TRIM44: variants seen among roughly 807,000 people sequenced by gnomAD.
TRIM44 encodes tripartite motif-containing protein 44.
Under a neutral mutation model 37.4 loss-of-function variants are expected in TRIM44, and 13 were observed. The ratio of observed to expected loss-of-function variants is 0.35; its 90% CI spans 0.23 to 0.55. The LOEUF is 0.55. Ranked by LOEUF, TRIM44 falls within the 20% of genes least tolerant of loss-of-function variation. The pLI, the probability that TRIM44 is intolerant of heterozygous loss-of-function variation, is 0.89. For synonymous variants in TRIM44, 175 were observed against 157.2 expected (o/e 1.11, Z -0.85); for missense variants, 426 against 437.2 (o/e 0.97, Z 0.23).
chr11:35,756,954 G>A (rs1185338324), intron 4 of TRIM44, among the ~76,000 whole-genome samples: 2 of 152,304 alleles, frequency 1.3e-5, no homozygotes, highest in African/African-American at 4.8e-5. Flanking sequence ...CAGGGATATT[G>A]GTCTGAAATT....
chr11:35,808,742 T>TAAAC lies in TRIM44; in HGVS notation c.*2359_*2362dup, dbSNP rs995750787. 2 of 152,226 alleles carry TAAAC rather than the reference T, an allele frequency of 1.3e-5. No homozygotes were observed. Among genetic ancestry groups the TAAAC allele is most frequent in the African/African-American group, 4.8e-5 (2 of 41,460 alleles). The allele number at this position is 152,226 out of a possible 1,614,324, so 9.4% of individuals were successfully genotyped here. A position where few individuals can be genotyped will look rare whatever the true frequency, so the allele number is the denominator to read the frequency against. ...GATAAAACTTTAACCAGGGAAGCAT[T>TAAAC]AAACACAGTGCAGCAGCTTTTGCCC... On this transcript the variant is annotated 3_prime_UTR_variant, in exon 5 of 5. Transcript: ENST00000299413.
chr11:35,744,843 A>G (rs1295239067), intron 4 of TRIM44, among the ~76,000 whole-genome samples: 1 of 152,122 alleles, frequency 6.6e-6, no homozygotes, highest in Non-Finnish European at 1.5e-5. Context: ...TTCCTATGTT[A>G]GTTTCCTGAG....
At chr11:35,733,050 G>A (rs1590551833) in intron 3 of TRIM44, among the ~76,000 whole-genome samples, 2 of 152,134 alleles carry the variant, frequency 1.3e-5, no homozygotes, top group Non-Finnish European at 2.9e-5. Flanking sequence ...GCTACTATTT[G>A]TTGAACGATT....
chr11:35,695,240 T>G (rs1474176518), intron 2 of TRIM44, among the ~76,000 whole-genome samples: 1 of 152,136 alleles, frequency 6.6e-6, no homozygotes, highest in African/African-American at 2.4e-5. Context: ...CCATCCTCGT[T>G]CTCCATGAGT....
chr11:35,702,738 A>G (rs1227795727), intron 2 of TRIM44, among the ~76,000 whole-genome samples: 3 of 152,260 alleles, frequency 2.0e-5, no homozygotes, highest in Non-Finnish European at 2.9e-5. Context: ...ATCAAGTGTC[A>G]TTAATAGACG....
intron 1 of TRIM44, among the ~76,000 whole-genome samples, chr11:35,679,680 G>T (rs1294743557): frequency 6.6e-6 from 1 of 152,186 alleles, no homozygotes; most frequent in African/African-American, 2.4e-5. Context: ...ATTTACAAAA[G>T]AAGCTAGAAA....
intron 4 of TRIM44, among the ~76,000 whole-genome samples, chr11:35,802,531 G>A (rs1356088213): frequency 6.6e-6 from 1 of 152,088 alleles, no homozygotes; most frequent in Non-Finnish European, 1.5e-5. Context: ...TGGAAGTTAA[G>A]GATTTGGACA....
chr11:35,667,064 A>T (rs1851340612), intron 1 of TRIM44, among the ~76,000 whole-genome samples: 1 of 152,202 alleles, frequency 6.6e-6, no homozygotes, highest in Non-Finnish European at 1.5e-5. Flanking sequence ...CTAGTCTAGC[A>T]GTAATTGATA....
At position 35,676,954 on chromosome 11, in the gene TRIM44, C is replaced by G. The variant is rs574304951; in HGVS notation, c.670-8305C>G. Among the ~76,000 whole-genome samples the G allele has an allele frequency of 2.6e-5, 4 of 152,220 alleles. No individual in the cohort carries two copies. In the East Asian group the frequency reaches 5.8e-4, roughly 22 times the overall value. ...TTTTGAGACTGTTGTTGAATTTTGTCTGTTGCTGAATTTTGTTTGAATTTC... is the reference window on the plus strand; with the variant it reads ...TTTTGAGACTGTTGTTGAATTTTGTGTGTTGCTGAATTTTGTTTGAATTTC... On this transcript the variant is annotated intron_variant, in intron 1 of 4. Coordinates refer to ENST00000299413, the MANE Select transcript of TRIM44 (RefSeq NM_017583.6).
At chr11:35,699,580 A>G (rs1055949128) in intron 2 of TRIM44, among the ~76,000 whole-genome samples, 6 of 152,000 alleles carry the variant, frequency 3.9e-5, no homozygotes, top group Non-Finnish European at 7.4e-5. Context: ...CCTATTCAAC[A>G]TAGTGTTGAA....
intron 4 of TRIM44, among the ~76,000 whole-genome samples, chr11:35,745,165 G>A (rs115132487): frequency 0.013 from 1,941 of 152,248 alleles, 45 homozygotes; most frequent in African/African-American, 0.044. Context: ...CACAATGGTT[G>A]AAGTAATTTA....
intron 4 of TRIM44, among the ~76,000 whole-genome samples, chr11:35,743,724 C>T (rs1852444701): frequency 6.6e-6 from 1 of 152,076 alleles, no homozygotes; most frequent in Non-Finnish European, 1.5e-5. Flanking sequence ...GTTTGTGACC[C>T]ACTAAAATGA....
chr11:35,808,276 G>A lies in TRIM44; in HGVS notation c.*1891G>A, dbSNP rs1853481694. The A allele has an allele frequency of 6.8e-6, 1 of 147,478 alleles. No homozygotes were observed. Among genetic ancestry groups the A allele is most frequent in the Admixed American group, 6.8e-5 (1 of 14,652 alleles). The allele number at this position is 147,478 out of a possible 1,614,324, so 9.1% of individuals were successfully genotyped here. On this transcript the variant is annotated 3_prime_UTR_variant, in exon 5 of 5. Coordinates refer to ENST00000299413, the MANE Select transcript of TRIM44 (RefSeq NM_017583.6). ...AAGAAATGGCTAGGACAATTTTGGT[G>A]CTTTACCTATCTCTGCAAAGACTGG...
chr11:35,693,931 C>A (rs1044230639), intron 2 of TRIM44, among the ~76,000 whole-genome samples: 1 of 152,074 alleles, frequency 6.6e-6, no homozygotes, highest in African/African-American at 2.4e-5. Flanking sequence ...AGGATAATAC[C>A]AAGAGTTTGG....
chr11:35,663,790 G>A lies in TRIM44; in HGVS notation c.669+10G>A, dbSNP rs1851303702. ...CTTTGAAGAATTAAGAGTAAGTATT[G>A]GGCCTTCAGAGCATAAACCTAGGGG... On this transcript the variant is annotated intron_variant, in intron 1 of 4. Transcript: ENST00000299413. The A allele has an allele frequency of 6.2e-7, 1 of 1,609,070 alleles. No homozygotes were observed. Among genetic ancestry groups the A allele is most frequent in the Non-Finnish European group, 8.5e-7 (1 of 1,177,922 alleles).
At chr11:35,691,449 A>G (rs755538419) in intron 2 of TRIM44, among the ~76,000 whole-genome samples, 7 of 152,216 alleles carry the variant, frequency 4.6e-5, no homozygotes, top group Non-Finnish European at 8.8e-5. Context: ...TTACATCCCA[A>G]TAAACCCATT....
chr11:35,804,167 T>C (rs1453125107), intron 4 of TRIM44, among the ~76,000 whole-genome samples: 2 of 152,172 alleles, frequency 1.3e-5, no homozygotes, highest in African/African-American at 2.4e-5. Flanking sequence ...ATAAATGATA[T>C]GCCAGTATCC....
intron 1 of TRIM44, among the ~76,000 whole-genome samples, chr11:35,684,942 C>A (rs775448405): frequency 2.3e-4 from 35 of 152,174 alleles, no homozygotes; most frequent in Non-Finnish European, 2.6e-4. Context: ...AAATAGACAT[C>A]TTGTATGGAA....
At chr11:35,769,323 G>A (rs1852836671) in intron 4 of TRIM44, among the ~76,000 whole-genome samples, 1 of 152,104 alleles carries the variant, frequency 6.6e-6, no homozygotes, top group Non-Finnish European at 1.5e-5. Flanking sequence ...GTTATTTTAT[G>A]TCTTTCATGT....
Sources: allele counts gnomAD v4.1 joint callset (sites outside exome capture counted in the v4.1 genomes callset), GRCh38; gene constraint gnomAD v4.1.1; transcripts MANE v1.5; gene names NCBI Gene and HGNC (gene_info 2026-07-23, HGNC 2026-07-21).